NCAM2: variants seen among roughly 807,000 people sequenced by gnomAD.
NCAM2 encodes N-CAM-2.
Under a neutral mutation model 98.1 loss-of-function variants are expected in NCAM2, and 30 were observed. The observed-to-expected ratio is 0.31, with a 90% CI of 0.23 to 0.41. The LOEUF (loss-of-function observed/expected upper bound fraction) is 0.41, where lower values mean the gene tolerates loss of function less well. Among genes scored for constraint, NCAM2 ranks in the 10% least tolerant of loss-of-function variants. The pLI, the probability that NCAM2 is intolerant of heterozygous loss-of-function variation, is 1.00. For synonymous variants in NCAM2, 368 were observed against 342.4 expected (o/e 1.07, Z -0.83); for missense variants, 867 against 1,005.8 (o/e 0.86, Z 1.87).
chr21:21,452,903 A>G (rs1379919779), intron 12 of NCAM2, among the ~76,000 whole-genome samples: 55 of 101,418 alleles, frequency 5.4e-4, no homozygotes, highest in African/African-American at 2.0e-3. Flanking sequence ...ATAATATATA[A>G]TATATATTAC....
At chr21:21,163,970 C>A (rs181701070) in intron 1 of NCAM2, among the ~76,000 whole-genome samples, 68 of 152,118 alleles carry the variant, frequency 4.5e-4, no homozygotes, top group Non-Finnish European at 9.0e-4. Flanking sequence ...CTGGATTAGA[C>A]CAATGCAATG....
intron 7 of NCAM2, 129 bp from the exon 8 acceptor site, chr21:21,338,260 C>T: frequency 1.2e-6 from 1 of 841,546 alleles, no homozygotes; most frequent in Non-Finnish European, 1.8e-6. Flanking sequence ...GCAAAGCAGG[C>T]CACTGTAATT....
intron 9 of NCAM2, among the ~76,000 whole-genome samples, chr21:21,401,081 A>G (rs2076619405): frequency 6.6e-6 from 1 of 152,172 alleles, no homozygotes; most frequent in African/African-American, 2.4e-5. Flanking sequence ...CAGAGTTGGC[A>G]CTCAATTTTG....
chr21:21,133,898 G>A (rs1396757235), intron 1 of NCAM2, among the ~76,000 whole-genome samples: 1 of 152,118 alleles, frequency 6.6e-6, no homozygotes, highest in Non-Finnish European at 1.5e-5. Flanking sequence ...AGATCTCACT[G>A]GTACATATTG....
At chr21:21,005,926 C>A (rs1033808433) in intron 1 of NCAM2, among the ~76,000 whole-genome samples, 9 of 152,122 alleles carry the variant, frequency 5.9e-5, no homozygotes, top group East Asian at 5.8e-4. Flanking sequence ...TATTTTTGAG[C>A]ACCTCTTCTA....
chr21:21,157,852 A>G (rs532756216), intron 1 of NCAM2, among the ~76,000 whole-genome samples: 4 of 152,264 alleles, frequency 2.6e-5, no homozygotes, highest in Non-Finnish European at 5.9e-5. Flanking sequence ...AGCCCAATCA[A>G]GCATCCTTTT....
intron 16 of NCAM2, among the ~76,000 whole-genome samples, chr21:21,520,574 C>G (rs1988959615): frequency 2.6e-5 from 4 of 152,260 alleles, no homozygotes; most frequent in Middle Eastern, 6.8e-3. Context: ...AAACAATACT[C>G]CCGGTTTTCA....
At chr21:21,454,840 GA>G (rs1210649598) in intron 12 of NCAM2, among the ~76,000 whole-genome samples, 1 of 151,874 alleles carries the variant, frequency 6.6e-6, no homozygotes, top group Non-Finnish European at 1.5e-5. Flanking sequence ...TAGCAGATAT[GA>G]AGTATTCAAA....
intron 16 of NCAM2, among the ~76,000 whole-genome samples, chr21:21,511,045 C>A (rs577433363): frequency 1.3e-3 from 198 of 152,092 alleles, no homozygotes; most frequent in African/African-American, 4.5e-3. Context: ...TACAGGCATA[C>A]AATATGTAAT....
intron 8 of NCAM2, among the ~76,000 whole-genome samples, chr21:21,367,790 G>A (rs975756557): frequency 3.3e-5 from 5 of 151,606 alleles, no homozygotes; most frequent in Non-Finnish European, 1.5e-5. Context: ...GCAAACTGAG[G>A]TACCACTAAG....
chr21:21,018,679 T>C (rs935557744), intron 1 of NCAM2, among the ~76,000 whole-genome samples: 1 of 152,238 alleles, frequency 6.6e-6, no homozygotes, highest in Non-Finnish European at 1.5e-5. Context: ...AAAGAGCTTT[T>C]GTGAGGTATG....
chr21:21,422,620 A>G (rs1243863217), intron 11 of NCAM2, among the ~76,000 whole-genome samples: 1 of 152,160 alleles, frequency 6.6e-6, no homozygotes, highest in Non-Finnish European at 1.5e-5. Context: ...GGGGGGAAAA[A>G]GTAATCTTTC....
chr21:21,470,794 A>C (rs1050195599), intron 14 of NCAM2, among the ~76,000 whole-genome samples: 3 of 152,016 alleles, frequency 2.0e-5, no homozygotes, highest in Non-Finnish European at 4.4e-5. Flanking sequence ...TTGTCTGATA[A>C]TCAATCAATT....
At chr21:21,185,177 A>G (rs2068599977) in intron 1 of NCAM2, among the ~76,000 whole-genome samples, 1 of 152,184 alleles carries the variant, frequency 6.6e-6, no homozygotes, top group South Asian at 2.1e-4. Context: ...GATATTCACT[A>G]TAGGTGGGTT....
intron 12 of NCAM2, among the ~76,000 whole-genome samples, chr21:21,441,074 A>G (rs775860525): frequency 2.6e-5 from 4 of 152,278 alleles, no homozygotes; most frequent in Admixed American, 2.0e-4. Flanking sequence ...CTTGCTCATC[A>G]TACTTCACTC....
intron 16 of NCAM2, among the ~76,000 whole-genome samples, chr21:21,530,458 T>A (rs969578174): frequency 6.7e-6 from 1 of 150,330 alleles, no homozygotes; most frequent in African/African-American, 2.4e-5. Context: ...CTGATCCTAT[T>A]TGCTGCCTCA....
intron 12 of NCAM2, among the ~76,000 whole-genome samples, chr21:21,439,036 T>A (rs1796602101): frequency 6.6e-6 from 1 of 151,958 alleles, no homozygotes. Context: ...CAGAGAACTA[T>A]GACTGTGCCA....
chr21:21,215,359 TC>T (rs1228897008), intron 1 of NCAM2, among the ~76,000 whole-genome samples: 2 of 152,132 alleles, frequency 1.3e-5, no homozygotes, highest in Non-Finnish European at 2.9e-5. Context: ...AATATAAAGA[TC>T]ATTTTTAACA....
intron 17 of NCAM2, among the ~76,000 whole-genome samples, chr21:21,537,172 C>T (rs1990025480): frequency 6.6e-6 from 1 of 151,918 alleles, no homozygotes; most frequent in South Asian, 2.1e-4. Context: ...GATCTCAGCT[C>T]ACTGCAATCT....
Sources: gnomAD v4.1 joint callset for allele counts (sites outside exome capture counted in the v4.1 genomes callset) on GRCh38, gnomAD v4.1.1 for gene constraint, MANE v1.5 for transcripts, NCBI Gene and HGNC (gene_info 2026-07-23, HGNC 2026-07-21) for gene names.